LINS1: variants seen among roughly 807,000 people sequenced by gnomAD.
LINS1 encodes lines homolog 1.
LINS1 carries 27 observed loss-of-function variants against 41.6 expected under a neutral mutation model. The ratio of observed to expected loss-of-function variants is 0.65; its 90% CI spans 0.48 to 0.89. The LOEUF (loss-of-function observed/expected upper bound fraction) is 0.89, where lower values mean the gene tolerates loss of function less well. Among genes scored for constraint, LINS1 ranks in the 40% least tolerant of loss-of-function variants. LINS1 has a pLI of 0.00. For synonymous variants in LINS1, 336 were observed against 312.9 expected, an observed-to-expected ratio of 1.07 and a Z score of -0.78; for missense variants, 955 against 884.1, an observed-to-expected ratio of 1.08 and a Z score of -1.02.
At chr15:100,585,937 G>T (rs1180515683) in intron 1 of LINS1, among the ~76,000 whole-genome samples, 1 of 152,142 alleles carries the variant, frequency 6.6e-6, no homozygotes, top group African/African-American at 2.4e-5. Context: ...TCAGTGTTTG[G>T]CATAGAAGAT....
chr15:100,595,152 G>C (rs1490932493), intron 1 of LINS1, among the ~76,000 whole-genome samples: 1 of 152,074 alleles, frequency 6.6e-6, no homozygotes, highest in Admixed American at 6.5e-5. Flanking sequence ...AGGGTTCTCA[G>C]ACTTGACCAT....
chr15:100,578,292 A>G (rs55904403), intron 3 of LINS1, among the ~76,000 whole-genome samples: 5,453 of 152,232 alleles, frequency 0.036, 288 homozygotes, highest in African/African-American at 0.12. Context: ...AAGGGCTAAT[A>G]TCCAGAATCT....
At position 100,567,361 on chromosome 15, in the gene LINS1, T is replaced by C. The variant is rs1329243836; in HGVS notation, c.*1877A>G. On this transcript the variant is annotated 3_prime_UTR_variant, in exon 7 of 7. Coordinates refer to ENST00000314742, the MANE Select transcript of LINS1 (RefSeq NM_001040616.3). ...AGTGCTGCATGTATCCCACTAAAAA[T>C]AGTACAAAAAGATGAGACTTTGTCT... 3 of 152,198 alleles carry C rather than the reference T, an allele frequency of 2.0e-5. No individual in the cohort carries two copies. Among genetic ancestry groups the C allele is most frequent in the Non-Finnish European group, 4.4e-5 (3 of 68,040 alleles). 9.4% of individuals were successfully genotyped at this position (152,198 alleles called of 1,614,324 possible). A position where few individuals can be genotyped will look rare whatever the true frequency, so the allele number is the denominator to read the frequency against.
intron 5 of LINS1, 65 bp from the exon 6 acceptor site, chr15:100,572,130 A>C: frequency 1.3e-6 from 2 of 1,590,706 alleles, no homozygotes; most frequent in Non-Finnish European, 1.7e-6. Flanking sequence ...TCTTGCCTAT[A>C]TATAAATTCA....
intron 1 of LINS1, among the ~76,000 whole-genome samples, chr15:100,599,974 G>C (rs111821362): frequency 0.017 from 2,543 of 152,228 alleles, 68 homozygotes; most frequent in African/African-American, 0.059. Flanking sequence ...GCTGGGACAG[G>C]AGAACTGCTT....
rs576211837 is a variant in LINS1, at chr15:100,576,028, C to T, written c.490-900G>A. Among the ~76,000 whole-genome samples the T allele has an allele frequency of 8.7e-4, 133 of 152,178 alleles. 1 individual carries two copies. Among genetic ancestry groups the T allele is most frequent in the Non-Finnish European group, 1.5e-3 (99 of 67,990 alleles). ...TCTCTGGGACACATTTAAAGCAGTA[C>T]GTAGAGGGAAATTTACAGCACTAAA... On this transcript the variant is annotated intron_variant, in intron 3 of 6. Coordinates refer to ENST00000314742, the MANE Select transcript of LINS1 (RefSeq NM_001040616.3).
chr15:100,588,269 G>A (rs908764439), intron 1 of LINS1, among the ~76,000 whole-genome samples: 3 of 152,218 alleles, frequency 2.0e-5, no homozygotes, highest in African/African-American at 7.2e-5. Flanking sequence ...GCTTGACCTT[G>A]TAACTATGTG....
At chr15:100,588,857 A>G (rs1222770961) in intron 1 of LINS1, among the ~76,000 whole-genome samples, 1 of 152,236 alleles carries the variant, frequency 6.6e-6, no homozygotes, top group Non-Finnish European at 1.5e-5. Flanking sequence ...TAAGTCATGA[A>G]ATAATTTATG....
Position 100,573,710 on chromosome 15 carries a change from A to AT in LINS1, c.1162_1163insA (p.Val388AspfsTer18). On this transcript the variant is annotated frameshift_variant, in exon 5 of 7. Coordinates refer to ENST00000314742, the MANE Select transcript of LINS1 (RefSeq NM_001040616.3). LOFTEE classifies it high-confidence loss of function. The stretch of plus-strand genomic sequence containing the variant: ...CTTGATTTCTAAGGATTTCATTATA[A>AT]CTAAGCTTGCTGCTCTAAGGATCAC... The AT allele has an allele frequency of 6.2e-7, 1 of 1,612,986 alleles. No individual in the cohort carries two copies. Among genetic ancestry groups the AT allele is most frequent in the East Asian group, 2.2e-5 (1 of 44,882 alleles).
At chr15:100,597,380 A>T (rs1490680226) in intron 1 of LINS1, among the ~76,000 whole-genome samples, 2 of 152,148 alleles carry the variant, frequency 1.3e-5, no homozygotes, top group Non-Finnish European at 2.9e-5. Flanking sequence ...AAACCGTAGC[A>T]TCAGAATTAC....
Position 100,574,202 on chromosome 15 carries a change from A to G in LINS1, c.671T>C (p.Phe224Ser), listed in dbSNP as rs1438638707. Residue 224 changes from phenylalanine (F) to serine (S), a missense_variant, in exon 5 of 7, where the codon TTT becomes TCT. By Grantham distance (155) the Phe-to-Ser change is radical. Coordinates refer to ENST00000314742, the MANE Select transcript of LINS1 (RefSeq NM_001040616.3). ...GAATAAGGAATTGTAAAACACTTCA[A>G]AAATGGTGTCGAAATGAGTCAGGAA... Reference protein sequence around the residue: ...KQFLTHFDTIFEVFYNSLFSQ... With the variant: ...KQFLTHFDTISEVFYNSLFSQ... 6.2e-7 allele frequency: 1 copy of G among 1,613,120 alleles called. No individual in the cohort carries two copies. The highest frequency in any genetic ancestry group is 8.5e-7 in the Non-Finnish European group (1 of 1,179,248).
At chr15:100,582,902 T>G (rs1240869780) in intron 1 of LINS1, among the ~76,000 whole-genome samples, 1 of 150,896 alleles carries the variant, frequency 6.6e-6, no homozygotes, top group African/African-American at 2.4e-5. Context: ...TAGCCTAGTC[T>G]TGGTCTTATA....
chr15:100,575,247 G>A (rs1017405378), intron 3 of LINS1, 119 bp from the exon 4 acceptor site: 17 of 764,154 alleles, frequency 2.2e-5, no homozygotes, highest in South Asian at 7.8e-5. Flanking sequence ...GTGGCACACC[G>A]AGAAGGAACA....
In LINS1 at chr15:100,566,935, G is replaced by A. The variant is rs79884605; in HGVS notation, c.*2303C>T. The stretch of plus-strand genomic sequence containing the variant: ...CATCTGCATAAGCATGAGTTATAAT[G>A]CATTCAACATTTATGTACCCTTAGG... On this transcript the variant is annotated 3_prime_UTR_variant, in exon 7 of 7. Coordinates refer to ENST00000314742, the MANE Select transcript of LINS1 (RefSeq NM_001040616.3). 10 of 152,202 alleles carry A rather than the reference G, an allele frequency of 6.6e-5. No homozygotes were observed. The highest frequency in any genetic ancestry group is 1.3e-4 in the Non-Finnish European group (9 of 68,012). 9.4% of individuals were successfully genotyped at this position (152,202 alleles called of 1,614,324 possible).
intron 1 of LINS1, among the ~76,000 whole-genome samples, chr15:100,595,608 CT>C (rs1218133599): frequency 8.5e-5 from 13 of 152,230 alleles, no homozygotes; most frequent in African/African-American, 3.1e-4. Context: ...TTGTGGTTAT[CT>C]TTAAAAAGAT....
chr15:100,588,462 T>G (rs372263303), intron 1 of LINS1, among the ~76,000 whole-genome samples: 3 of 152,238 alleles, frequency 2.0e-5, no homozygotes, highest in East Asian at 3.8e-4. Context: ...AAAAGTGTAA[T>G]GCCTTTCATT....
chr15:100,571,528 A>G (rs1164475344), intron 6 of LINS1, among the ~76,000 whole-genome samples: 1 of 152,226 alleles, frequency 6.6e-6, no homozygotes, highest in Admixed American at 6.5e-5. Context: ...ATTCACCTTT[A>G]CAAAGGCAAA....
At chr15:100,598,775 C>T (rs2039353054) in intron 1 of LINS1, among the ~76,000 whole-genome samples, 1 of 152,242 alleles carries the variant, frequency 6.6e-6, no homozygotes, top group African/African-American at 2.4e-5. Context: ...AACTGTGCTG[C>T]ATCTGTCTTT....
chr15:100,573,069 C>T (rs1414805054), intron 5 of LINS1: 3 of 156,008 alleles, frequency 1.9e-5, no homozygotes, highest in African/African-American at 7.2e-5. Context: ...TAACAATAAA[C>T]ACATAAGTGG....
Sources: gnomAD v4.1 joint callset for allele counts (sites outside exome capture counted in the v4.1 genomes callset) on GRCh38, gnomAD v4.1.1 for gene constraint, MANE v1.5 for transcripts, NCBI Gene and HGNC (gene_info 2026-07-23, HGNC 2026-07-21) for gene names.